Variants in GPC6 observed in about 807,000 individuals in gnomAD.
GPC6 encodes glypican-6.
A neutral mutation model predicts 55.2 loss-of-function variants in GPC6; 14 were observed. The observed-to-expected ratio is 0.25, with a 90% CI of 0.17 to 0.40. GPC6 has a LOEUF of 0.40. Among genes scored for constraint, GPC6 ranks in the 10% least tolerant of loss-of-function variants. The probability of loss-of-function intolerance (pLI) is 1.00; values close to 1 mark genes in which losing one functional copy is unlikely to be tolerated. For missense variants in GPC6, 641 were observed against 708.5 expected (o/e 0.90, Z 1.08); for synonymous variants, 278 against 259.6 (o/e 1.07, Z -0.68).
intron 3 of GPC6, among the ~76,000 whole-genome samples, chr13:94,018,969 T>A (rs1244221952): frequency 6.6e-6 from 1 of 152,190 alleles, no homozygotes; most frequent in Non-Finnish European, 1.5e-5. Flanking sequence ...ACGGAAAAAT[T>A]GTCTTCCACG....
chr13:93,311,187 G>A (rs1480636718), intron 1 of GPC6, among the ~76,000 whole-genome samples: 1 of 152,130 alleles, frequency 6.6e-6, no homozygotes, highest in Non-Finnish European at 1.5e-5. Context: ...AGGAAATTTT[G>A]ACACCTTTTC....
intron 1 of GPC6, among the ~76,000 whole-genome samples, chr13:93,368,922 T>A (rs1881357958): frequency 6.6e-6 from 1 of 152,076 alleles, no homozygotes; most frequent in Non-Finnish European, 1.5e-5. Flanking sequence ...GCTGACTCTT[T>A]GCACTCTCCT....
rs557195058 is a variant in GPC6 at position 94,311,518 on chromosome 13, G to A, written c.1152+5395G>A. Among the ~76,000 whole-genome samples the A allele has an allele frequency of 3.3e-5, 5 of 152,286 alleles. No individual in the cohort carries two copies. In the East Asian group the frequency reaches 9.7e-4, roughly 29 times the overall value. The stretch of plus-strand genomic sequence containing the variant: ...CACTCTACATGGTATCATGGACTGA[G>A]GAAGGAAGGTGACTCTCACCTGAGG... On this transcript the variant is annotated intron_variant, in intron 6 of 8. Coordinates refer to ENST00000377047, the MANE Select transcript of GPC6 (RefSeq NM_005708.5).
intron 1 of GPC6, among the ~76,000 whole-genome samples, chr13:93,496,220 C>G (rs186493323): frequency 1.3e-5 from 2 of 152,190 alleles, no homozygotes; most frequent in South Asian, 2.1e-4. Flanking sequence ...GGGATATAGT[C>G]TCGTGGTGCG....
chr13:94,255,453 G>A (rs1891475877), intron 4 of GPC6, among the ~76,000 whole-genome samples: 1 of 152,144 alleles, frequency 6.6e-6, no homozygotes, highest in Non-Finnish European at 1.5e-5. Flanking sequence ...GGAGGAAAAG[G>A]TCACAGAGAA....
intron 6 of GPC6, among the ~76,000 whole-genome samples, chr13:94,358,502 G>T (rs963393740): frequency 1.3e-5 from 2 of 152,252 alleles, no homozygotes; most frequent in African/African-American, 2.4e-5. Flanking sequence ...AAAATTAAAA[G>T]ACCTTTCAGA....
At chr13:93,451,750 T>C (rs1277486061) in intron 1 of GPC6, among the ~76,000 whole-genome samples, 2 of 152,240 alleles carry the variant, frequency 1.3e-5, no homozygotes, top group African/African-American at 4.8e-5. Context: ...AAAATTCTTT[T>C]TAAAAATTCA....
At chr13:93,687,573 T>C (rs7336949) in intron 2 of GPC6, among the ~76,000 whole-genome samples, 6,321 of 152,182 alleles carry the variant, frequency 0.042, 441 homozygotes, top group African/African-American at 0.14. Flanking sequence ...CCATTTCTTA[T>C]TGGCCTTGAC....
intron 1 of GPC6, among the ~76,000 whole-genome samples, chr13:93,313,215 A>C (rs2139111381): frequency 6.6e-6 from 1 of 152,246 alleles, no homozygotes; most frequent in Non-Finnish European, 1.5e-5. Flanking sequence ...GAATAAAAAC[A>C]ACTCAAACCA....
At chr13:94,346,987 T>C (rs1878324877) in intron 6 of GPC6, among the ~76,000 whole-genome samples, 2 of 152,132 alleles carry the variant, frequency 1.3e-5, no homozygotes, top group Admixed American at 1.3e-4. Flanking sequence ...TTTCCACCCA[T>C]AGCATAATAC....
At chr13:94,070,926 C>A (rs1392927980) in intron 4 of GPC6, among the ~76,000 whole-genome samples, 1 of 152,096 alleles carries the variant, frequency 6.6e-6, no homozygotes, top group Non-Finnish European at 1.5e-5. Flanking sequence ...AATCTAAAAA[C>A]AGAATTGGTG....
chr13:93,367,384 T>A (rs1170220733), intron 1 of GPC6, among the ~76,000 whole-genome samples: 3 of 152,146 alleles, frequency 2.0e-5, no homozygotes, highest in African/African-American at 4.8e-5. Flanking sequence ...GTTTTATTGC[T>A]GTTTCCAAAG....
intron 4 of GPC6, among the ~76,000 whole-genome samples, chr13:94,064,343 T>C (rs192338126): frequency 8.5e-4 from 129 of 152,300 alleles, no homozygotes; most frequent in African/African-American, 2.8e-3. Context: ...TTTTCCTCTA[T>C]CACCATTTGT....
intron 6 of GPC6, among the ~76,000 whole-genome samples, chr13:94,334,758 T>C (rs1235967566): frequency 6.6e-6 from 1 of 152,228 alleles, no homozygotes; most frequent in Non-Finnish European, 1.5e-5. Context: ...AGTGTCTTCC[T>C]GAGCACATCA....
chr13:93,538,083 A>G (rs533838500), intron 1 of GPC6, among the ~76,000 whole-genome samples: 20 of 152,264 alleles, frequency 1.3e-4, no homozygotes, highest in African/African-American at 4.6e-4. Context: ...CAGTTTAAGG[A>G]ACACCCAGCC....
At chr13:93,468,848 AG>A (rs1879008248) in intron 1 of GPC6, among the ~76,000 whole-genome samples, 1 of 152,246 alleles carries the variant, frequency 6.6e-6, no homozygotes, top group South Asian at 2.1e-4. Context: ...AATTTGTCAA[AG>A]TAAACCACTG....
At chr13:93,654,319 T>A (rs1880558768) in intron 2 of GPC6, among the ~76,000 whole-genome samples, 1 of 152,198 alleles carries the variant, frequency 6.6e-6, no homozygotes, top group East Asian at 1.9e-4. Context: ...AGTGGCGCCA[T>A]CTTGGCTCAC....
chr13:93,334,618 C>T (rs1251350560), intron 1 of GPC6, among the ~76,000 whole-genome samples: 7 of 152,056 alleles, frequency 4.6e-5, no homozygotes, highest in South Asian at 2.1e-4. Flanking sequence ...AGGTGTGTGC[C>T]AGCATGCCCA....
intron 3 of GPC6, among the ~76,000 whole-genome samples, chr13:93,919,325 AG>A (rs1430563181): frequency 6.6e-6 from 1 of 152,214 alleles, no homozygotes; most frequent in African/African-American, 2.4e-5. Flanking sequence ...AAGGAAGGAT[AG>A]GATTAGGCAC....
Sources: allele counts gnomAD v4.1 joint callset (sites outside exome capture counted in the v4.1 genomes callset), GRCh38; gene constraint gnomAD v4.1.1; transcripts MANE v1.5; gene names NCBI Gene and HGNC (gene_info 2026-07-23, HGNC 2026-07-21).